STXBP3: variants seen among roughly 807,000 people sequenced by gnomAD.
STXBP3 encodes the protein syntaxin binding protein 3.
Under a neutral mutation model 85.7 loss-of-function variants are expected in STXBP3, and 41 were observed. That is an observed-to-expected ratio of 0.48 (90% CI 0.37 to 0.62). The LOEUF (loss-of-function observed/expected upper bound fraction) is 0.62. Ranked by LOEUF, STXBP3 falls within the 20% of genes least tolerant of loss-of-function variation. The probability of loss-of-function intolerance (pLI) is 0.00; values close to 1 mark genes in which losing one functional copy is unlikely to be tolerated. For synonymous variants in STXBP3, 229 were observed against 231.7 expected, an observed-to-expected ratio of 0.99 and a Z score of 0.10; for missense variants, 563 against 703.1, an observed-to-expected ratio of 0.80 and a Z score of 2.25.
chr1:108,802,058 T>C (rs1003877768), intron 17 of STXBP3, among the ~76,000 whole-genome samples: 1 of 152,094 alleles, frequency 6.6e-6, no homozygotes, highest in Non-Finnish European at 1.5e-5. Context: ...GTAGAGAGCT[T>C]ATCTTTTCTT....
chr1:108,752,812 G>T (rs1271336572), intron 2 of STXBP3, among the ~76,000 whole-genome samples: 1 of 152,184 alleles, frequency 6.6e-6, no homozygotes, highest in African/African-American at 2.4e-5. Flanking sequence ...ATGTTAAACA[G>T]TGTCATTCAA....
intron 7 of STXBP3, among the ~76,000 whole-genome samples, chr1:108,775,063 GTTTAA>G (rs1662557887): frequency 1.3e-5 from 2 of 151,952 alleles, no homozygotes; most frequent in Non-Finnish European, 2.9e-5. Context: ...AGTACAAAGA[GTTTAA>G]TTTATTGTAC....
intron 11 of STXBP3, among the ~76,000 whole-genome samples, chr1:108,788,652 A>G (rs1421690965): frequency 1.3e-5 from 2 of 152,156 alleles, no homozygotes; most frequent in African/African-American, 4.8e-5. Context: ...GAATTTGTCT[A>G]TTATATCTAA....
intron 15 of STXBP3, among the ~76,000 whole-genome samples, chr1:108,797,554 G>A (rs984655801): frequency 3.4e-5 from 5 of 149,154 alleles, no homozygotes; most frequent in Non-Finnish European, 5.9e-5. Context: ...GATTACAGGC[G>A]CCTGCCATCC....
chr1:108,778,021 A>G (rs1298854575), intron 8 of STXBP3, among the ~76,000 whole-genome samples: 1 of 152,166 alleles, frequency 6.6e-6, no homozygotes, highest in Non-Finnish European at 1.5e-5. Flanking sequence ...TGCCATGTAA[A>G]CAGGATAAGC....
chr1:108,762,694 G>C (rs1037578010), intron 6 of STXBP3, among the ~76,000 whole-genome samples: 1 of 152,006 alleles, frequency 6.6e-6, no homozygotes, highest in Admixed American at 6.6e-5. Flanking sequence ...CTGAAGAACT[G>C]CTCACTTAAT....
At chr1:108,752,332 T>TA (rs1300402724) in intron 2 of STXBP3, 26 bp downstream of exon 2, 5 of 1,603,350 alleles carry the variant, frequency 3.1e-6, no homozygotes, top group African/African-American at 1.3e-5. Context: ...CTTGCTCTTA[T>TA]AAAAAATAAT....
intron 7 of STXBP3, among the ~76,000 whole-genome samples, chr1:108,774,073 T>C (rs1317214871): frequency 6.6e-6 from 1 of 152,142 alleles, no homozygotes. Context: ...ATAGTTAAAT[T>C]TTGCTTGATT....
intron 6 of STXBP3, among the ~76,000 whole-genome samples, chr1:108,767,760 C>T (rs1396965803): frequency 6.6e-6 from 1 of 151,940 alleles, no homozygotes; most frequent in African/African-American, 2.4e-5. Flanking sequence ...ATTTTTTCTT[C>T]ATTTATAGCA....
chr1:108,767,900 A>T (rs905675480), intron 6 of STXBP3, among the ~76,000 whole-genome samples: 9 of 152,102 alleles, frequency 5.9e-5, no homozygotes, highest in African/African-American at 2.2e-4. Flanking sequence ...TAGAATTATT[A>T]CATCATCATT....
rs760204943 is a variant in STXBP3, at chr1:108,752,271, G to C, written c.64G>C (p.Val22Leu). 1 of 1,611,598 alleles carries C rather than the reference G, an allele frequency of 6.2e-7. No individual in the cohort carries two copies. The highest frequency in any genetic ancestry group is 8.5e-7 in the Non-Finnish European group (1 of 1,178,600). The change falls in exon 2 of 19, where the codon GTG (valine) becomes CTG (leucine). Residue 22 changes from valine to leucine, a missense_variant. By Grantham distance (32) the Val-to-Leu change is conservative. Transcript: ENST00000370008. ...SVVWQKIKATVFDDCKKEGEW... is the reference protein window; with the variant it reads ...SVVWQKIKATLFDDCKKEGEW... ...TTTTTAAACAGAGATAAAAGCAACA[G>C]TGTTTGATGACTGCAAGAAAGAAGG...
intron 6 of STXBP3, among the ~76,000 whole-genome samples, chr1:108,769,422 A>G (rs1181873682): frequency 1.3e-5 from 2 of 152,212 alleles, no homozygotes; most frequent in Admixed American, 6.5e-5. Context: ...AAACATAGAA[A>G]GCATTCAAGA....
Position 108,798,073 on chromosome 1 carries a change from G to T in STXBP3, c.1357-72G>T, listed in dbSNP as rs573243611. The T allele has an allele frequency of 4.9e-6, 6 of 1,218,318 alleles. No homozygotes were observed. In the African/African-American group the frequency reaches 7.7e-5, roughly 16 times the overall value. The allele number at this position is 1,218,318 out of a possible 1,614,324, so 75.5% of individuals were successfully genotyped here. ...ATTTACTGGTAAATTAAATATCTTC[G>T]TTAGGAAACGTAAGAGTATTATATT... On this transcript the variant is annotated intron_variant, in intron 15 of 18. Coordinates refer to ENST00000370008, the MANE Select transcript of STXBP3 (RefSeq NM_007269.4).
intron 1 of STXBP3, among the ~76,000 whole-genome samples, chr1:108,747,290 A>C (rs1661811834): frequency 6.6e-6 from 1 of 152,084 alleles, no homozygotes. Context: ...AAAAAACCTC[A>C]CTGTTTAACA....
At chr1:108,771,195 G>A (rs1192630261) in intron 6 of STXBP3, among the ~76,000 whole-genome samples, 2 of 150,788 alleles carry the variant, frequency 1.3e-5, no homozygotes, top group South Asian at 2.1e-4. Flanking sequence ...GAAGGAGAGA[G>A]GTAGACTAAA....
At chr1:108,804,454 C>T (rs1277039) in intron 17 of STXBP3, among the ~76,000 whole-genome samples, 43,727 of 151,874 alleles carry the variant, frequency 0.29, 7,267 homozygotes, top group East Asian at 0.77. Context: ...TTAAACATAC[C>T]TAATTTGTAG....
chr1:108,755,155 A>G (rs1181456341), intron 3 of STXBP3, among the ~76,000 whole-genome samples: 2 of 152,144 alleles, frequency 1.3e-5, no homozygotes, highest in Non-Finnish European at 2.9e-5. Context: ...CTTAAAAAAA[A>G]TAAACTGAAG....
At chr1:108,803,582 G>A (rs967003607) in intron 17 of STXBP3, among the ~76,000 whole-genome samples, 5 of 152,062 alleles carry the variant, frequency 3.3e-5, no homozygotes, top group East Asian at 1.9e-4. Context: ...TGTGCCTCCC[G>A]GACTCAAGCA....
intron 12 of STXBP3, among the ~76,000 whole-genome samples, chr1:108,794,040 C>G (rs1663034995): frequency 6.6e-6 from 1 of 152,054 alleles, no homozygotes; most frequent in Non-Finnish European, 1.5e-5. Context: ...TTTTTTGCTC[C>G]TTAAAAACAC....
Sources: gnomAD v4.1 joint callset for allele counts (sites outside exome capture counted in the v4.1 genomes callset) on GRCh38, gnomAD v4.1.1 for gene constraint, MANE v1.5 for transcripts, NCBI Gene and HGNC (gene_info 2026-07-23, HGNC 2026-07-21) for gene names.